Variants in HM13 observed in about 807,000 individuals in gnomAD.
The protein encoded by HM13 is signal peptide peptidase.
A neutral mutation model predicts 50.0 loss-of-function variants in HM13; 18 were observed. The ratio of observed to expected loss-of-function variants is 0.36; its 90% CI spans 0.25 to 0.53. HM13 has a LOEUF of 0.53. Ranked by LOEUF, HM13 falls within the 20% of genes least tolerant of loss-of-function variation. The pLI is 0.90. For synonymous variants in HM13, 197 were observed against 232.6 expected (o/e 0.85, Z 1.39); for missense variants, 393 against 552.4 (o/e 0.71, Z 2.89).
At chr20:31,550,350 G>A (rs933023540) in intron 7 of HM13, 1 of 539,440 alleles carries the variant, frequency 1.9e-6, no homozygotes, top group Non-Finnish European at 3.4e-6. Flanking sequence ...CGTGAAATGA[G>A]CCAAAATGGG....
At chr20:31,538,676 G>A (rs910235904) in intron 3 of HM13, 1 of 1,100,136 alleles carries the variant, frequency 9.1e-7, no homozygotes, top group Non-Finnish European at 1.1e-6. Context: ...TGAAAAGTTA[G>A]GAGCGTGGGC....
In HM13 at chr20:31,569,222, C is replaced by G. The variant is rs531534015; in HGVS notation, c.*3C>G. 4 of 1,565,134 alleles carry G rather than the reference C, an allele frequency of 2.6e-6. No individual in the cohort carries two copies. Among genetic ancestry groups the G allele is most frequent in the Non-Finnish European group, 3.5e-6 (4 of 1,150,778 alleles). ...GGCTGGAGAAGAAAGAGAAATGATGCAGCTGGTGCCCGAGCCTCTCAGGGC... is the reference window on the plus strand; with the variant it reads ...GGCTGGAGAAGAAAGAGAAATGATGGAGCTGGTGCCCGAGCCTCTCAGGGC... On this transcript the variant is annotated 3_prime_UTR_variant, in exon 13 of 13. Transcript: ENST00000398174.
chr20:31,545,089 T>C, intron 4 of HM13, 54 bp downstream of exon 4: 3 of 1,364,882 alleles, frequency 2.2e-6, no homozygotes, highest in Non-Finnish European at 3.1e-6. Context: ...TCCTCCACCA[T>C]TCCCTTTGTC....
chr20:31,547,262 G>A lies in HM13; in HGVS notation c.455-1767G>A, dbSNP rs920790482. ...CTGTTTCAGCGATCCTCATTGGAGA[G>A]GAATCAGCAGTCGAAGGAACAGCGG... is the stretch of plus-strand genomic sequence containing the variant. On this transcript the variant is annotated intron_variant, in intron 4 of 12. Coordinates refer to ENST00000398174, the MANE Select transcript of HM13 (RefSeq NM_178581.3). 27 of 220,546 alleles carry A rather than the reference G, an allele frequency of 1.2e-4. 1 individual carries two copies. Among genetic ancestry groups the A allele is most frequent in the Non-Finnish European group, 2.1e-4 (24 of 111,950 alleles). The allele number at this position is 220,546 out of a possible 1,614,324, so 13.7% of individuals were successfully genotyped here. A position where few individuals can be genotyped will look rare whatever the true frequency, so the allele number is the denominator to read the frequency against.
intron 3 of HM13, chr20:31,541,856 A>G (rs1021809299): frequency 6.6e-6 from 1 of 152,268 alleles, no homozygotes; most frequent in Non-Finnish European, 1.5e-5. Context: ...AAGGTTTAAG[A>G]CAGGGAAATT....
intron 10 of HM13, among the ~76,000 whole-genome samples, chr20:31,565,510 C>G (rs1285880227): frequency 1.3e-5 from 2 of 148,166 alleles, no homozygotes; most frequent in Non-Finnish European, 3.0e-5. Flanking sequence ...AGATTTGGGT[C>G]TCTGAGTCCT....
At chr20:31,559,784 A>C (rs901042849) in intron 9 of HM13, 137 bp downstream of exon 9, 2 of 835,684 alleles carry the variant, frequency 2.4e-6, no homozygotes, top group Non-Finnish European at 4.0e-6. Context: ...TTTTATCTGC[A>C]TTTTGCATCT....
chr20:31,543,923 G>A (rs1296917837), intron 3 of HM13, among the ~76,000 whole-genome samples: 2 of 151,558 alleles, frequency 1.3e-5, no homozygotes, highest in Non-Finnish European at 1.5e-5. Flanking sequence ...GACAGAGTGA[G>A]ACTCCATCTC....
intron 2 of HM13, among the ~76,000 whole-genome samples, chr20:31,530,091 G>A (rs966000453): frequency 3.3e-5 from 5 of 152,102 alleles, no homozygotes; most frequent in African/African-American, 1.2e-4. Context: ...GGAGTTAGAG[G>A]CCAGTGTGGG....
intron 10 of HM13, among the ~76,000 whole-genome samples, chr20:31,565,848 T>C (rs1009192441): frequency 6.6e-6 from 1 of 151,672 alleles, no homozygotes; most frequent in South Asian, 2.1e-4. Flanking sequence ...CCTGGAGCAT[T>C]TGCTAAAATG....
At chr20:31,554,859 A>G (rs1488171369) in intron 8 of HM13, 30 bp downstream of exon 8, 2 of 1,559,042 alleles carry the variant, frequency 1.3e-6, no homozygotes, top group Non-Finnish European at 1.8e-6. Context: ...GGCTATGTGA[A>G]AGGGGTGGAG....
chr20:31,539,183 G>C (rs1487519634), intron 3 of HM13: 3 of 985,310 alleles, frequency 3.0e-6, no homozygotes, highest in Non-Finnish European at 3.6e-6. Flanking sequence ...CATTCTGCAG[G>C]ACTATCCCAT....
rs113806660 is a variant in HM13, at chr20:31,550,210, A to G, written c.724+89A>G. The G allele has an allele frequency of 4.1e-5, 38 of 923,140 alleles. 1 individual carries two copies. Among genetic ancestry groups the G allele is most frequent in the African/African-American group, 9.7e-5 (6 of 61,812 alleles). The allele number at this position is 923,140 out of a possible 1,614,324, so 57.2% of individuals were successfully genotyped here. On this transcript the variant is annotated intron_variant, in intron 7 of 12. Transcript: ENST00000398174. ...CCCGTTTCAGTCAGTGCATCTCCCT[A>G]TCTCTTCCCCATGTACCTCTTCCTC...
At chr20:31,550,276 C>G (rs1450370724) in intron 7 of HM13, 155 bp downstream of exon 7, 8 of 652,630 alleles carry the variant, frequency 1.2e-5, no homozygotes, top group Non-Finnish European at 2.2e-5. Flanking sequence ...TCAATTGATT[C>G]ATCTGGCTGT....
intron 2 of HM13, among the ~76,000 whole-genome samples, chr20:31,531,479 CT>C (rs1302561639): frequency 2.0e-5 from 3 of 151,774 alleles, no homozygotes; most frequent in Non-Finnish European, 4.4e-5. Flanking sequence ...TTACTGAAGA[CT>C]TGTTCTCCTG....
chr20:31,531,689 G>A (rs1449925402), intron 2 of HM13, among the ~76,000 whole-genome samples: 1 of 152,064 alleles, frequency 6.6e-6, no homozygotes, highest in Non-Finnish European at 1.5e-5. Context: ...TGCCTCCCAG[G>A]TTCAAGCAAT....
intron 1 of HM13, among the ~76,000 whole-genome samples, chr20:31,521,478 C>T (rs2122541474): frequency 6.6e-6 from 1 of 152,260 alleles, no homozygotes; most frequent in South Asian, 2.1e-4. Context: ...GTAATCCCAG[C>T]ACTTCGGGAG....
intron 2 of HM13, among the ~76,000 whole-genome samples, chr20:31,529,394 C>T (rs1982680470): frequency 1.3e-5 from 2 of 151,600 alleles, no homozygotes; most frequent in South Asian, 2.1e-4. Flanking sequence ...ACAAGGCGTG[C>T]ACCACCACAC....
At chr20:31,540,890 G>C (rs1983413473) in intron 3 of HM13, 1 of 150,874 alleles carries the variant, frequency 6.6e-6, no homozygotes, top group African/African-American at 2.4e-5. Context: ...TGAGGCAGGA[G>C]AATCACTTGA....
Sources: allele counts gnomAD v4.1 joint callset (sites outside exome capture counted in the v4.1 genomes callset), GRCh38; gene constraint gnomAD v4.1.1; transcripts MANE v1.5; gene names NCBI Gene and HGNC (gene_info 2026-07-23, HGNC 2026-07-21).